The following CREB5 variants were observed in gnomAD, a reference collection of about 807,000 sequenced individuals.
CREB5 encodes the protein cAMP responsive element binding protein 5.
Under a neutral mutation model 57.1 loss-of-function variants are expected in CREB5, and 19 were observed. The observed-to-expected ratio is 0.33, with a 90% CI of 0.23 to 0.49. The LOEUF is 0.49. Ranked by LOEUF, CREB5 falls within the 20% of genes least tolerant of loss-of-function variation. The pLI, the probability that CREB5 is intolerant of heterozygous loss-of-function variation, is 0.99. For missense variants in CREB5, 579 were observed against 671.6 expected (o/e 0.86, Z 1.52); for synonymous variants, 238 against 238.3 (o/e 1.00, Z 0.01).
intron 5 of CREB5, among the ~76,000 whole-genome samples, chr7:28,591,315 C>T (rs112833899): frequency 6.6e-6 from 1 of 152,190 alleles, no homozygotes; most frequent in Non-Finnish European, 1.5e-5. Context: ...TGAGAGGAGT[C>T]CTCTCTAGCT....
chr7:28,300,660 T>C (rs886734472), intron 1 of CREB5, among the ~76,000 whole-genome samples: 1 of 152,226 alleles, frequency 6.6e-6, no homozygotes. Context: ...GTGCCGAAAC[T>C]GGTTGAGCAT....
At chr7:28,450,583 A>T (rs554836210) in intron 1 of CREB5, among the ~76,000 whole-genome samples, 1 of 152,322 alleles carries the variant, frequency 6.6e-6, no homozygotes, top group African/African-American at 2.4e-5. Context: ...AATTTTCCCC[A>T]GATAATGGAT....
At chr7:28,479,126 C>G (rs1231883402) in intron 1 of CREB5, among the ~76,000 whole-genome samples, 1 of 152,112 alleles carries the variant, frequency 6.6e-6, no homozygotes, top group African/African-American at 2.4e-5. Context: ...CTCACTCATC[C>G]TGTTGTGTTA....
intron 5 of CREB5, among the ~76,000 whole-genome samples, chr7:28,673,784 C>T (rs1800181024): frequency 6.7e-6 from 1 of 150,096 alleles, no homozygotes; most frequent in Non-Finnish European, 1.5e-5. Flanking sequence ...AGTGATCCTC[C>T]CTACTCAGCC....
intron 1 of CREB5, among the ~76,000 whole-genome samples, chr7:28,358,578 T>C (rs1186868102): frequency 1.3e-5 from 2 of 152,190 alleles, no homozygotes; most frequent in Admixed American, 1.3e-4. Flanking sequence ...GCCAGAACTT[T>C]TGTTTTGCTT....
chr7:28,306,568 T>TTTTTTTTTTTGTTTG (rs1785191546), intron 1 of CREB5, among the ~76,000 whole-genome samples: 1 of 132,780 alleles, frequency 7.5e-6, no homozygotes, highest in Non-Finnish European at 1.6e-5. Flanking sequence ...TTTTTTTTTT[T>TTTTTTTTTTTGTTTG]TTTTTTTTTT....
intron 1 of CREB5, among the ~76,000 whole-genome samples, chr7:28,414,238 T>C (rs1458525925): frequency 6.6e-6 from 1 of 152,028 alleles, no homozygotes; most frequent in Non-Finnish European, 1.5e-5. Flanking sequence ...TTCCCATCTA[T>C]ATGCTTCTTT....
intron 5 of CREB5, among the ~76,000 whole-genome samples, chr7:28,716,096 CATT>C (rs1562591979): frequency 6.6e-6 from 1 of 152,118 alleles, no homozygotes; most frequent in African/African-American, 2.4e-5. Flanking sequence ...TTTGCATCCC[CATT>C]CGCGTAACCA....
At chr7:28,717,906 T>C (rs1353651883) in intron 5 of CREB5, among the ~76,000 whole-genome samples, 1 of 152,204 alleles carries the variant, frequency 6.6e-6, no homozygotes, top group Non-Finnish European at 1.5e-5. Context: ...GTCTCTTGTT[T>C]GCCATTTTTA....
chr7:28,573,762 G>A (rs1405695429), intron 5 of CREB5, among the ~76,000 whole-genome samples: 2 of 152,196 alleles, frequency 1.3e-5, no homozygotes, highest in East Asian at 1.9e-4. Flanking sequence ...GGGACAAAGG[G>A]TAGGCATCCT....
At chr7:28,314,655 G>T (rs1785341197) in intron 1 of CREB5, among the ~76,000 whole-genome samples, 1 of 152,164 alleles carries the variant, frequency 6.6e-6, no homozygotes, top group Non-Finnish European at 1.5e-5. Flanking sequence ...TTGGGGTAAG[G>T]CTTAGTGAGC....
At chr7:28,312,424 G>C (rs946018026) in intron 1 of CREB5, among the ~76,000 whole-genome samples, 2 of 152,302 alleles carry the variant, frequency 1.3e-5, no homozygotes, top group Middle Eastern at 6.8e-3. Flanking sequence ...ATGCTGGCAG[G>C]AGCTGAGGGG....
At position 28,419,376 on chromosome 7, in the gene CREB5, T is replaced by C. The variant is rs181812358; in HGVS notation, c.3+6459T>C. On this transcript the variant is annotated intron_variant, in intron 1 of 10. Transcript: ENST00000357727. ...GTCTGGAGCCATCTGTGTTTAAGTA[T>C]TTGGTTTTTGTTTTCTCCTAACAAT... Among the ~76,000 whole-genome samples the C allele has an allele frequency of 1.6e-3, 240 of 152,354 alleles. 1 individual carries two copies. Among genetic ancestry groups the C allele is most frequent in the African/African-American group, 5.4e-3 (224 of 41,592 alleles).
chr7:28,331,070 T>C (rs1785707911), intron 1 of CREB5, among the ~76,000 whole-genome samples: 1 of 152,174 alleles, frequency 6.6e-6, no homozygotes, highest in South Asian at 2.1e-4. Flanking sequence ...TTTGTTCCCC[T>C]GAAGTTTTAT....
intron 5 of CREB5, among the ~76,000 whole-genome samples, chr7:28,630,304 A>C (rs113293961): frequency 1.1e-4 from 17 of 152,262 alleles, no homozygotes; most frequent in African/African-American, 4.1e-4. Context: ...GTCATTTGTC[A>C]TGATTCTGTA....
chr7:28,760,930 T>G (rs4719951), intron 7 of CREB5, among the ~76,000 whole-genome samples: 2,377 of 152,266 alleles, frequency 0.016, 62 homozygotes, highest in Admixed American at 0.07. Context: ...CTAATTAATC[T>G]TCCATAATAT....
chr7:28,670,534 A>G (rs1267502011), intron 5 of CREB5, among the ~76,000 whole-genome samples: 1 of 152,232 alleles, frequency 6.6e-6, no homozygotes, highest in East Asian at 1.9e-4. Flanking sequence ...AATGCAGACT[A>G]AGAGAAGCTG....
At chr7:28,342,404 AT>A (rs1346814372) in intron 1 of CREB5, among the ~76,000 whole-genome samples, 1 of 152,178 alleles carries the variant, frequency 6.6e-6, no homozygotes, top group Admixed American at 6.5e-5. Context: ...ATTCAGACTA[AT>A]TAGTACTAAT....
intron 4 of CREB5, among the ~76,000 whole-genome samples, chr7:28,546,858 G>A (rs1794442768): frequency 6.6e-6 from 1 of 152,182 alleles, no homozygotes; most frequent in Non-Finnish European, 1.5e-5. Context: ...CATTTATAAA[G>A]TGTGTTTACA....
Sources: gnomAD v4.1 joint callset for allele counts (sites outside exome capture counted in the v4.1 genomes callset) on GRCh38, gnomAD v4.1.1 for gene constraint, MANE v1.5 for transcripts, NCBI Gene and HGNC (gene_info 2026-07-23, HGNC 2026-07-21) for gene names.